The following DSCAM variants were observed in gnomAD, a reference collection of about 807,000 sequenced individuals.
DSCAM encodes the protein cell adhesion molecule DSCAM.
DSCAM carries 47 observed loss-of-function variants against 217.7 expected under a neutral mutation model. The observed-to-expected ratio is 0.22, with a 90% CI of 0.17 to 0.28. DSCAM has a LOEUF of 0.28. Among genes scored for constraint, DSCAM ranks in the 10% least tolerant of loss-of-function variants. DSCAM has a pLI of 1.00. For synonymous variants in DSCAM, 1,056 were observed against 1,015.3 expected, an observed-to-expected ratio of 1.04 and a Z score of -0.76; for missense variants, 2,080 against 2,618.3, an observed-to-expected ratio of 0.79 and a Z score of 4.49.
Position 40,620,395 on chromosome 21 carries a change from A to G in DSCAM, c.508+72415T>C, listed in dbSNP as rs1175956193. Among the ~76,000 whole-genome samples, 3 of 141,864 alleles carry G rather than the reference A, an allele frequency of 2.1e-5. No individual in the cohort carries two copies. In the East Asian group the frequency reaches 6.5e-4, roughly 31 times the overall value. The allele number at this position is 141,864 out of a possible 152,430, so 93.1% of individuals were successfully genotyped here. On this transcript the variant is annotated intron_variant, in intron 3 of 32. Coordinates refer to ENST00000400454, the MANE Select transcript of DSCAM (RefSeq NM_001389.5). ...GAAAGAAAGAAAGAAAGAGAAAGAAAGAAAGAAAGGAGGGAGGGAGGGAGA... is the reference window on the plus strand; with the variant it reads ...GAAAGAAAGAAAGAAAGAGAAAGAAGGAAAGAAAGGAGGGAGGGAGGGAGA...
At chr21:40,152,675 G>T (rs1008000099) in intron 16 of DSCAM, among the ~76,000 whole-genome samples, 2 of 152,258 alleles carry the variant, frequency 1.3e-5, no homozygotes, top group Non-Finnish European at 2.9e-5. Flanking sequence ...TTTGCACGGT[G>T]TGCAAGTGAC....
intron 8 of DSCAM, among the ~76,000 whole-genome samples, chr21:40,332,181 C>T (rs1039045979): frequency 5.3e-5 from 8 of 152,208 alleles, no homozygotes. Context: ...TTTTGCCCTA[C>T]ATTTTAACAT....
intron 14 of DSCAM, among the ~76,000 whole-genome samples, chr21:40,179,956 G>A (rs1467950624): frequency 6.6e-6 from 1 of 152,204 alleles, no homozygotes; most frequent in Non-Finnish European, 1.5e-5. Flanking sequence ...GACAGAGATG[G>A]TGCCTACATA....
intron 19 of DSCAM, among the ~76,000 whole-genome samples, chr21:40,129,023 G>A (rs368402753): frequency 1.8e-4 from 28 of 152,076 alleles, no homozygotes; most frequent in African/African-American, 6.0e-4. Flanking sequence ...TATGAATATC[G>A]GACAAAAGTC....
intron 3 of DSCAM, among the ~76,000 whole-genome samples, chr21:40,595,563 G>A (rs1239495817): frequency 6.6e-6 from 1 of 152,162 alleles, no homozygotes; most frequent in African/African-American, 2.4e-5. Flanking sequence ...CTGCCCTGAA[G>A]GCCAGGGTGC....
chr21:40,703,034 T>C (rs2410287), intron 2 of DSCAM, among the ~76,000 whole-genome samples: 1 of 152,118 alleles, frequency 6.6e-6, no homozygotes, highest in South Asian at 2.1e-4. Flanking sequence ...TGCAATTTTT[T>C]AAAAAATCTG....
chr21:40,524,336 TTC>T (rs2076383266), intron 3 of DSCAM, among the ~76,000 whole-genome samples: 2 of 152,140 alleles, frequency 1.3e-5, no homozygotes, highest in African/African-American at 2.4e-5. Context: ...CACAGGATAA[TTC>T]TCTTTTTTTT....
At chr21:40,286,166 C>T (rs58380984) in intron 10 of DSCAM, among the ~76,000 whole-genome samples, 5,155 of 152,164 alleles carry the variant, frequency 0.034, 307 homozygotes, top group African/African-American at 0.12. Context: ...TTCTGGTGAT[C>T]CACACTAAGA....
intron 3 of DSCAM, among the ~76,000 whole-genome samples, chr21:40,378,823 G>A (rs2074992014): frequency 6.6e-6 from 1 of 151,822 alleles, no homozygotes; most frequent in Non-Finnish European, 1.5e-5. Flanking sequence ...TCGATCTCCT[G>A]ACCTCGTGAT....
rs574801734 is a variant in DSCAM at position 40,548,371 on chromosome 21, C to T, written c.508+144439G>A. 4.3e-4 allele frequency among the ~76,000 whole-genome samples: 66 copies of T among 152,120 alleles called. 1 individual carries two copies. The South Asian group carries it at 8.7e-3, about 20-fold the overall frequency. The stretch of plus-strand genomic sequence containing the variant: ...TGGTACTGATCTTTAAGTAAGTGAA[C>T]GCTAAACCAGCTCATCTTAAAGCGC... On this transcript the variant is annotated intron_variant, in intron 3 of 32. Coordinates refer to ENST00000400454, the MANE Select transcript of DSCAM (RefSeq NM_001389.5).
intron 11 of DSCAM, among the ~76,000 whole-genome samples, chr21:40,261,276 G>A (rs2146979551): frequency 6.6e-6 from 1 of 152,346 alleles, no homozygotes; most frequent in Non-Finnish European, 1.5e-5. Flanking sequence ...CTAAGGGGGT[G>A]AGAAATCTTG....
At chr21:40,248,362 C>G (rs2073256009) in intron 11 of DSCAM, among the ~76,000 whole-genome samples, 1 of 152,156 alleles carries the variant, frequency 6.6e-6, no homozygotes, top group Admixed American at 6.5e-5. Flanking sequence ...AATGAAATGC[C>G]TTTAACAGCA....
At chr21:40,179,320 C>T (rs529685905) in intron 14 of DSCAM, among the ~76,000 whole-genome samples, 7 of 152,038 alleles carry the variant, frequency 4.6e-5, no homozygotes, top group East Asian at 1.9e-4. Context: ...ACATTATTCA[C>T]GCTGCGAGGG....
chr21:40,031,230 G>T (rs1047623289), intron 32 of DSCAM, among the ~76,000 whole-genome samples: 1 of 152,136 alleles, frequency 6.6e-6, no homozygotes, highest in Non-Finnish European at 1.5e-5. Context: ...GTACCTTAGA[G>T]AACAGTGATG....
intron 5 of DSCAM, 76 bp downstream of exon 5, chr21:40,353,389 A>C: frequency 1.9e-6 from 3 of 1,559,294 alleles, no homozygotes; most frequent in Non-Finnish European, 2.6e-6. Flanking sequence ...TACAGAGAAA[A>C]CATGGAGATT....
rs75845675 is a variant in DSCAM, at chr21:40,030,458, C to T, written c.5686+11913G>A. ...CGGAAAGGCCTCTCAGGCAATGAGA[C>T]GTAAATGATGGGATGGAAGGAGCCC... On this transcript the variant is annotated intron_variant, in intron 32 of 32. Coordinates refer to ENST00000400454, the MANE Select transcript of DSCAM (RefSeq NM_001389.5). Among the ~76,000 whole-genome samples, 923 of 152,094 alleles carry T rather than the reference C, an allele frequency of 6.1e-3. 11 individuals are homozygous for T. The highest frequency in any genetic ancestry group is 0.021 in the African/African-American group (884 of 41,482).
At chr21:40,278,745 G>A (rs112952343) in intron 10 of DSCAM, among the ~76,000 whole-genome samples, 12 of 152,032 alleles carry the variant, frequency 7.9e-5, no homozygotes, top group African/African-American at 2.4e-4. Flanking sequence ...GAAGGAGGAG[G>A]AGGAGGAAGA....
chr21:40,744,375 G>C (rs995568003), intron 1 of DSCAM, among the ~76,000 whole-genome samples: 6 of 152,108 alleles, frequency 3.9e-5, no homozygotes, highest in African/African-American at 1.4e-4. Flanking sequence ...ATGATCGGCA[G>C]GAAGGTCTGA....
intron 1 of DSCAM, among the ~76,000 whole-genome samples, chr21:40,752,327 C>T (rs1218558693): frequency 6.6e-6 from 1 of 152,194 alleles, no homozygotes; most frequent in East Asian, 1.9e-4. Flanking sequence ...TCCCCTAGGT[C>T]GGCTTAATGA....
Sources: gnomAD v4.1 joint callset for allele counts (sites outside exome capture counted in the v4.1 genomes callset) on GRCh38, gnomAD v4.1.1 for gene constraint, MANE v1.5 for transcripts, NCBI Gene and HGNC (gene_info 2026-07-23, HGNC 2026-07-21) for gene names.